Variants in CHAF1B observed in about 807,000 individuals in gnomAD.
CHAF1B encodes chromatin assembly factor 1 subunit B, also known as CAF-1 subunit B.
CHAF1B carries 10 observed loss-of-function variants against 60.7 expected under a neutral mutation model. The ratio of observed to expected loss-of-function variants is 0.16; its 90% CI spans 0.10 to 0.28. The LOEUF (loss-of-function observed/expected upper bound fraction) is 0.28. CHAF1B is among the 10% of genes least tolerant of loss of function. CHAF1B has a pLI of 1.00. For missense variants in CHAF1B, 558 were observed against 708.4 expected (o/e 0.79, Z 2.41); for synonymous variants, 261 against 266.1 (o/e 0.98, Z 0.19).
intron 3 of CHAF1B, among the ~76,000 whole-genome samples, chr21:36,389,801 G>GTGCGCA (rs60389156): frequency 1.8e-5 from 1 of 56,250 alleles, no homozygotes; most frequent in Non-Finnish European, 3.2e-5. Flanking sequence ...GTGTGTGTGT[G>GTGCGCA]CGCGCGCACG....
chr21:36,387,525 G>A (rs2086044518), intron 2 of CHAF1B, 73 bp from the exon 3 acceptor site: 11 of 1,569,526 alleles, frequency 7.0e-6, no homozygotes, highest in Non-Finnish European at 9.6e-6. Flanking sequence ...CCAGCCCATA[G>A]TATTGTTTTA....
chr21:36,416,987 A>G lies in CHAF1B; in HGVS notation c.*621A>G, dbSNP rs925196186. On this transcript the variant is annotated 3_prime_UTR_variant, in exon 14 of 14. Transcript: ENST00000314103. ...GCATTTTTGTGGATCTATTTATTCT[A>G]AAAAGAGAATTGAGATTTTATTTCA... 6.6e-6 allele frequency: 1 copy of G among 152,216 alleles called. No individual in the cohort carries two copies. Among genetic ancestry groups the G allele is most frequent in the Admixed American group, 6.6e-5 (1 of 15,264 alleles). The allele number at this position is 152,216 out of a possible 1,614,324, so 9.4% of individuals were successfully genotyped here. A position where few individuals can be genotyped will look rare whatever the true frequency, so the allele number is the denominator to read the frequency against.
chr21:36,402,419 C>G (rs2086198395), intron 7 of CHAF1B, among the ~76,000 whole-genome samples: 1 of 152,196 alleles, frequency 6.6e-6, no homozygotes, highest in South Asian at 2.1e-4. Flanking sequence ...AGACATGCCA[C>G]TATTGACCCT....
intron 8 of CHAF1B, among the ~76,000 whole-genome samples, chr21:36,403,291 C>G (rs1202586534): frequency 6.6e-6 from 1 of 151,624 alleles, no homozygotes; most frequent in Non-Finnish European, 1.5e-5. Context: ...AACACCCTCT[C>G]TATTAAAAAT....
intron 8 of CHAF1B, among the ~76,000 whole-genome samples, chr21:36,408,018 T>C (rs1226033082): frequency 6.6e-6 from 1 of 151,990 alleles, no homozygotes; most frequent in Non-Finnish European, 1.5e-5. Flanking sequence ...AATGTATTAA[T>C]AATAATAATA....
intron 3 of CHAF1B, among the ~76,000 whole-genome samples, chr21:36,389,800 T>TGC (rs1555911823): frequency 0.06 from 7,448 of 124,472 alleles, 319 homozygotes; most frequent in Non-Finnish European, 0.075. Flanking sequence ...TGTGTGTGTG[T>TGC]GCGCGCGCAC....
At chr21:36,392,993 C>A (rs900755110) in intron 4 of CHAF1B, among the ~76,000 whole-genome samples, 5 of 152,158 alleles carry the variant, frequency 3.3e-5, no homozygotes, top group Non-Finnish European at 7.4e-5. Context: ...GCAGATCACT[C>A]GCGATTAGGA....
chr21:36,401,372 A>G (rs2086187347), intron 7 of CHAF1B, among the ~76,000 whole-genome samples: 1 of 136,316 alleles, frequency 7.3e-6, no homozygotes, highest in Non-Finnish European at 1.5e-5. Flanking sequence ...TATATTATAC[A>G]TAATATATAT....
chr21:36,392,668 G>A (rs1396237703), intron 4 of CHAF1B, among the ~76,000 whole-genome samples: 4 of 148,194 alleles, frequency 2.7e-5, no homozygotes, highest in East Asian at 2.1e-4. Context: ...GCTGCCGGGC[G>A]GAGGGGCTCC....
At chr21:36,404,204 G>A (rs868827477) in intron 8 of CHAF1B, among the ~76,000 whole-genome samples, 23 of 147,170 alleles carry the variant, frequency 1.6e-4, no homozygotes, top group African/African-American at 5.8e-4. Context: ...AGTTTCAAGC[G>A]ATTCTCCTGC....
In CHAF1B at chr21:36,397,400, GTGT is replaced by G; in HGVS notation, c.482-13_482-11del. 4 of 1,390,460 alleles carry G rather than the reference GTGT, an allele frequency of 2.9e-6. No individual in the cohort carries two copies. Among genetic ancestry groups the G allele is most frequent in the Middle Eastern group, 1.8e-4 (1 of 5,470 alleles). The allele number at this position is 1,390,460 out of a possible 1,614,324, so 86.1% of individuals were successfully genotyped here. On this transcript the variant is annotated splice_polypyrimidine_tract_variant and intron_variant, in intron 5 of 13. Coordinates refer to ENST00000314103, the MANE Select transcript of CHAF1B (RefSeq NM_005441.3). ...TAATGCTGTTTTGGTGCGTGTGTGTGTGTTTTTTTTGTAGGACAAAAGATATCA... is the reference window on the plus strand; with the variant it reads ...TAATGCTGTTTTGGTGCGTGTGTGTGTTTTTTTGTAGGACAAAAGATATCA...
In CHAF1B at chr21:36,394,540, A is replaced by C; in HGVS notation, c.378-7A>C. ...TTGCTTTTTTCCTCTTTGTTTTTGG[A>C]TTCTAGGGGCCACTTAGAAGATGTG... On this transcript the variant is annotated splice_polypyrimidine_tract_variant and splice_region_variant and intron_variant, in intron 4 of 13. Coordinates refer to ENST00000314103, the MANE Select transcript of CHAF1B (RefSeq NM_005441.3). 1 of 1,602,960 alleles carries C rather than the reference A, an allele frequency of 6.2e-7. No homozygotes were observed. The highest frequency in any genetic ancestry group is 8.5e-7 in the Non-Finnish European group (1 of 1,172,026).
At chr21:36,415,020 G>A (rs555322642) in intron 12 of CHAF1B, among the ~76,000 whole-genome samples, 55 of 152,178 alleles carry the variant, frequency 3.6e-4, no homozygotes, top group Non-Finnish European at 6.6e-4. Flanking sequence ...TCACAAGACC[G>A]TCGGTAATGA....
chr21:36,386,684 C>T (rs2086037934), intron 2 of CHAF1B, among the ~76,000 whole-genome samples: 1 of 151,548 alleles, frequency 6.6e-6, no homozygotes, highest in South Asian at 2.1e-4. Flanking sequence ...CCAGGGCCTG[C>T]GGTGAACAAT....
chr21:36,399,732 G>C, intron 7 of CHAF1B, 127 bp downstream of exon 7: 4 of 734,216 alleles, frequency 5.4e-6, no homozygotes, highest in Non-Finnish European at 9.4e-6. Context: ...CTACAATAAG[G>C]CTTCCTTTTG....
intron 7 of CHAF1B, among the ~76,000 whole-genome samples, chr21:36,400,885 G>T (rs769547801): frequency 6.6e-6 from 1 of 152,182 alleles, no homozygotes; most frequent in African/African-American, 2.4e-5. Context: ...TTCACACGGG[G>T]ACATGGTGCA....
chr21:36,396,358 CAAAAA>C (rs777079304), intron 5 of CHAF1B, among the ~76,000 whole-genome samples: 1 of 52,834 alleles, frequency 1.9e-5, no homozygotes, highest in Non-Finnish European at 3.5e-5. Context: ...CCAAAAACCT[CAAAAA>C]AAAAAAAAAA....
intron 3 of CHAF1B, among the ~76,000 whole-genome samples, chr21:36,390,928 T>G (rs1206730831): frequency 6.6e-6 from 1 of 152,178 alleles, no homozygotes; most frequent in African/African-American, 2.4e-5. Flanking sequence ...AGTGCTGGCA[T>G]TACAGGCGTG....
chr21:36,389,786 T>C (rs2086069292), intron 3 of CHAF1B, among the ~76,000 whole-genome samples: 1 of 130,090 alleles, frequency 7.7e-6, no homozygotes, highest in African/African-American at 3.6e-5. Context: ...TGTGTGTGTG[T>C]GTGTGTGTGT....
Sources: gnomAD v4.1 joint callset for allele counts (sites outside exome capture counted in the v4.1 genomes callset) on GRCh38, gnomAD v4.1.1 for gene constraint, MANE v1.5 for transcripts, NCBI Gene and HGNC (gene_info 2026-07-23, HGNC 2026-07-21) for gene names.